SHISA9: variants seen among roughly 807,000 people sequenced by gnomAD.
SHISA9 encodes shisa family member 9, also known as protein shisa-9.
SHISA9 carries 13 observed loss-of-function variants against 38.0 expected under a neutral mutation model. The ratio of observed to expected loss-of-function variants is 0.34; its 90% CI spans 0.22 to 0.54. The LOEUF is 0.54. Ranked by LOEUF, SHISA9 falls within the 20% of genes least tolerant of loss-of-function variation. SHISA9 has a pLI of 0.91. For synonymous variants in SHISA9, 275 were observed against 242.0 expected, an observed-to-expected ratio of 1.14 and a Z score of -1.27; for missense variants, 538 against 575.8, an observed-to-expected ratio of 0.93 and a Z score of 0.67.
At chr16:13,132,271 C>T (rs982553359) in intron 2 of SHISA9, among the ~76,000 whole-genome samples, 16 of 151,992 alleles carry the variant, frequency 1.1e-4, no homozygotes, top group African/African-American at 3.9e-4. Context: ...AGAAGACTGT[C>T]GGATGAGAAT....
the SHISA9 span, among the ~76,000 whole-genome samples, chr16:13,393,319 C>A: frequency 8.5e-5 from 13 of 152,262 alleles, no homozygotes; most frequent in Non-Finnish European, 1.6e-4. Context: ...GAACAAGAGC[C>A]CAGCATTTTC....
chr16:13,197,911 G>C (rs1310574018), intron 2 of SHISA9, among the ~76,000 whole-genome samples: 1 of 152,124 alleles, frequency 6.6e-6, no homozygotes, highest in Non-Finnish European at 1.5e-5. Flanking sequence ...CGGGCCGGGC[G>C]AGGTGGCTCA....
the SHISA9 span, among the ~76,000 whole-genome samples, chr16:13,429,883 C>T: frequency 5.6e-4 from 86 of 152,220 alleles, no homozygotes; most frequent in Non-Finnish European, 1.0e-3. Context: ...ATTGTGTCTC[C>T]CCCAAATGTA....
At chr16:13,222,843 A>G (rs1467015568) in intron 4 of SHISA9, among the ~76,000 whole-genome samples, 1 of 151,954 alleles carries the variant, frequency 6.6e-6, no homozygotes, top group African/African-American at 2.4e-5. Flanking sequence ...TATATCCACA[A>G]GGTATATATA....
At chr16:13,031,898 A>G (rs566001854) in intron 2 of SHISA9, among the ~76,000 whole-genome samples, 3 of 152,350 alleles carry the variant, frequency 2.0e-5, no homozygotes, top group Non-Finnish European at 2.9e-5. Context: ...AAACTGAGCC[A>G]CATAGGAATA....
chr16:13,047,839 G>T (rs769433046), intron 2 of SHISA9, among the ~76,000 whole-genome samples: 1 of 152,110 alleles, frequency 6.6e-6, no homozygotes, highest in Non-Finnish European at 1.5e-5. Context: ...CAGACCTTAC[G>T]TTGAGTGCTT....
At chr16:13,346,338 C>CT in the SHISA9 span, among the ~76,000 whole-genome samples, 9 of 152,176 alleles carry the variant, frequency 5.9e-5, no homozygotes, top group Admixed American at 5.9e-4. Context: ...ACCCCTACAG[C>CT]TTTATAGAGC....
At chr16:13,022,578 G>A (rs1408131455) in intron 2 of SHISA9, among the ~76,000 whole-genome samples, 2 of 152,030 alleles carry the variant, frequency 1.3e-5, no homozygotes, top group Admixed American at 1.3e-4. Flanking sequence ...TGATCCACCT[G>A]TCTCGGGCCT....
intron 2 of SHISA9, among the ~76,000 whole-genome samples, chr16:13,183,072 C>T (rs2050791354): frequency 6.6e-6 from 1 of 152,186 alleles, no homozygotes; most frequent in Non-Finnish European, 1.5e-5. Flanking sequence ...CCACTGAGTC[C>T]CAAGAAAGCA....
chr16:13,407,252 C>G, the SHISA9 span, among the ~76,000 whole-genome samples: 12 of 152,048 alleles, frequency 7.9e-5, no homozygotes, highest in Non-Finnish European at 1.6e-4. Context: ...AGTTGTGGGT[C>G]TGCTTCCTGA....
At chr16:13,409,984 C>T in the SHISA9 span, among the ~76,000 whole-genome samples, 2 of 152,160 alleles carry the variant, frequency 1.3e-5, no homozygotes, top group Non-Finnish European at 2.9e-5. Context: ...CTGCTTAGCG[C>T]AGTGTCCCGC....
chr16:13,064,211 A>G (rs916072134), intron 2 of SHISA9, among the ~76,000 whole-genome samples: 1 of 152,198 alleles, frequency 6.6e-6, no homozygotes, highest in African/African-American at 2.4e-5. Context: ...AGATTTGAAT[A>G]GTTTTAATGC....
the SHISA9 span, among the ~76,000 whole-genome samples, chr16:13,516,031 G>C: frequency 4.6e-5 from 7 of 152,212 alleles, no homozygotes; most frequent in Non-Finnish European, 7.3e-5. Flanking sequence ...TCAGTTGCCT[G>C]TGACTTATCT....
At chr16:13,495,472 C>T in the SHISA9 span, among the ~76,000 whole-genome samples, 1 of 151,970 alleles carries the variant, frequency 6.6e-6, no homozygotes, top group Non-Finnish European at 1.5e-5. Flanking sequence ...AGAAAGAAAT[C>T]CAAATTTTGA....
chr16:13,280,814 A>G, the SHISA9 span, among the ~76,000 whole-genome samples: 5 of 151,694 alleles, frequency 3.3e-5, no homozygotes, highest in Admixed American at 1.3e-4. Flanking sequence ...AGAAGAAACC[A>G]TAGGAGAAAA....
At chr16:13,374,563 C>T in the SHISA9 span, among the ~76,000 whole-genome samples, 2 of 152,154 alleles carry the variant, frequency 1.3e-5, no homozygotes, top group Admixed American at 1.3e-4. Flanking sequence ...TCCAGTCTAT[C>T]ATTGATGGAC....
At chr16:13,162,504 C>A (rs1461623907) in intron 2 of SHISA9, among the ~76,000 whole-genome samples, 6 of 152,178 alleles carry the variant, frequency 3.9e-5, no homozygotes, top group Non-Finnish European at 4.4e-5. Context: ...ATCTTTAATA[C>A]ACGAGACTGA....
the SHISA9 span, among the ~76,000 whole-genome samples, chr16:13,410,365 G>T: frequency 6.6e-6 from 1 of 152,162 alleles, no homozygotes; most frequent in Non-Finnish European, 1.5e-5. Flanking sequence ...AAATCGGCGT[G>T]TTATATTTAG....
the SHISA9 span, among the ~76,000 whole-genome samples, chr16:13,296,795 G>A: frequency 1.3e-5 from 2 of 149,382 alleles, no homozygotes; most frequent in Non-Finnish European, 3.0e-5. Context: ...GGAGGCTGAG[G>A]CAGGAGAATC....
Sources: gnomAD v4.1 joint callset for allele counts (sites outside exome capture counted in the v4.1 genomes callset) on GRCh38, gnomAD v4.1.1 for gene constraint, MANE v1.5 for transcripts, NCBI Gene and HGNC (gene_info 2026-07-23, HGNC 2026-07-21) for gene names.